The following CHRM3 variants were observed in gnomAD, a reference collection of about 807,000 sequenced individuals.
CHRM3 encodes muscarinic acetylcholine receptor M3.
A neutral mutation model predicts 41.8 loss-of-function variants in CHRM3; 11 were observed. The ratio of observed to expected loss-of-function variants is 0.26; its 90% CI spans 0.17 to 0.44. The LOEUF (loss-of-function observed/expected upper bound fraction) is 0.44. Ranked by LOEUF, CHRM3 falls within the 20% of genes least tolerant of loss-of-function variation. The pLI is 1.00. For missense variants in CHRM3, 571 were observed against 745.4 expected, an observed-to-expected ratio of 0.77 and a Z score of 2.72; for synonymous variants, 297 against 301.4, an observed-to-expected ratio of 0.99 and a Z score of 0.15.
chr1:239,647,649 A>G (rs1671856535), intron 4 of CHRM3, among the ~76,000 whole-genome samples: 1 of 152,062 alleles, frequency 6.6e-6, no homozygotes, highest in Non-Finnish European at 1.5e-5. Context: ...CCACATCTAT[A>G]TCTCCAGCTG....
intron 1 of CHRM3, among the ~76,000 whole-genome samples, chr1:239,478,973 A>G (rs1666641154): frequency 6.6e-6 from 1 of 152,102 alleles, no homozygotes; most frequent in Non-Finnish European, 1.5e-5. Context: ...ACTTGAGCCT[A>G]GGCATTTGAG....
chr1:239,584,229 G>A (rs558182854), intron 3 of CHRM3, among the ~76,000 whole-genome samples: 10 of 149,694 alleles, frequency 6.7e-5, no homozygotes, highest in East Asian at 6.0e-4. Context: ...TCAGCCTCCC[G>A]AGTAGCTGGG....
At chr1:239,574,086 T>G (rs925905997) in intron 3 of CHRM3, among the ~76,000 whole-genome samples, 1 of 152,140 alleles carries the variant, frequency 6.6e-6, no homozygotes, top group Non-Finnish European at 1.5e-5. Context: ...TGAGGGTTAG[T>G]CTTTTCTTTG....
rs573105735 is a variant in CHRM3, at chr1:239,579,464, C to T, written c.-313+33715C>T. Among the ~76,000 whole-genome samples, 11 of 152,190 alleles carry T rather than the reference C, an allele frequency of 7.2e-5. No individual in the cohort carries two copies. In the East Asian group the frequency reaches 1.9e-3, roughly 27 times the overall value. ...ATAGGAACTCTTGTATATTTTATTTCGAAGGTCACCAGCCTTATCTAAGGA... is the reference window on the plus strand; with the variant it reads ...ATAGGAACTCTTGTATATTTTATTTTGAAGGTCACCAGCCTTATCTAAGGA... On this transcript the variant is annotated intron_variant, in intron 3 of 6. Coordinates refer to ENST00000676153, the MANE Select transcript of CHRM3 (RefSeq NM_001375978.1).
intron 2 of CHRM3, among the ~76,000 whole-genome samples, chr1:239,504,745 A>C (rs1344064518): frequency 1.3e-5 from 2 of 152,204 alleles, no homozygotes; most frequent in African/African-American, 2.4e-5. Context: ...AAAAGGAATG[A>C]ATTAATAGCA....
Position 239,386,948 on chromosome 1 carries a change from G to C in CHRM3, c.-800G>C, listed in dbSNP as rs929944014. On this transcript the variant is annotated 5_prime_UTR_variant, in exon 1 of 7. Transcript: ENST00000676153. The stretch of plus-strand genomic sequence containing the variant: ...GTGACGCGCGGCCGCAGCTGCCCGC[G>C]GGCGGAGCGCTCTCAGACCCCGGAG... 2.0e-5 allele frequency: 3 copies of C among 152,092 alleles called. No homozygotes were observed. Among genetic ancestry groups the C allele is most frequent in the South Asian group, 4.1e-4 (2 of 4,832 alleles). The allele number at this position is 152,092 out of a possible 1,614,324, so 9.4% of individuals were successfully genotyped here.
At chr1:239,495,651 C>A (rs529193632) in intron 2 of CHRM3, among the ~76,000 whole-genome samples, 2 of 152,184 alleles carry the variant, frequency 1.3e-5, no homozygotes, top group South Asian at 4.1e-4. Flanking sequence ...GCTGTGAGAT[C>A]TCACCCTAGT....
chr1:239,551,895 C>T (rs1006787555), intron 3 of CHRM3, among the ~76,000 whole-genome samples: 16 of 152,034 alleles, frequency 1.1e-4, no homozygotes, highest in African/African-American at 3.9e-4. Flanking sequence ...ATAGGTTACT[C>T]CAGTTTTCAG....
At chr1:239,675,107 C>T (rs1297468880) in intron 4 of CHRM3, among the ~76,000 whole-genome samples, 1 of 152,146 alleles carries the variant, frequency 6.6e-6, no homozygotes, top group Non-Finnish European at 1.5e-5. Flanking sequence ...CTCTAGAAAC[C>T]TGATCTCTCA....
At chr1:239,398,106 A>T (rs1659652254) in intron 1 of CHRM3, among the ~76,000 whole-genome samples, 1 of 152,194 alleles carries the variant, frequency 6.6e-6, no homozygotes, top group African/African-American at 2.4e-5. Context: ...TGAGGAACCT[A>T]GAGATAGCAG....
At chr1:239,498,754 A>T (rs1429801191) in intron 2 of CHRM3, among the ~76,000 whole-genome samples, 2 of 152,174 alleles carry the variant, frequency 1.3e-5, no homozygotes, top group Non-Finnish European at 2.9e-5. Context: ...TTTGTTTAAA[A>T]TGTATCATTT....
intron 5 of CHRM3, among the ~76,000 whole-genome samples, chr1:239,696,360 C>T (rs577900719): frequency 2.6e-5 from 4 of 152,260 alleles, no homozygotes; most frequent in African/African-American, 4.8e-5. Context: ...TAAAAATTTG[C>T]GCTGTCATCT....
chr1:239,778,694 A>G (rs571072755), intron 5 of CHRM3, among the ~76,000 whole-genome samples: 2 of 152,156 alleles, frequency 1.3e-5, no homozygotes, highest in East Asian at 1.9e-4. Context: ...GTTGGTTCGC[A>G]TAGTGTTTTC....
chr1:239,465,499 A>G (rs985529718), intron 1 of CHRM3, among the ~76,000 whole-genome samples: 18 of 152,294 alleles, frequency 1.2e-4, no homozygotes, highest in African/African-American at 4.3e-4. Context: ...CCACGCAGTC[A>G]GTTTAGAAAG....
At chr1:239,760,000 T>C (rs143764609) in intron 5 of CHRM3, among the ~76,000 whole-genome samples, 80 of 152,162 alleles carry the variant, frequency 5.3e-4, no homozygotes, top group African/African-American at 1.3e-3. Flanking sequence ...CTGCAAGCTC[T>C]GCCTCCCGGG....
intron 5 of CHRM3, among the ~76,000 whole-genome samples, chr1:239,680,581 T>C (rs917760192): frequency 5.3e-5 from 8 of 152,072 alleles, no homozygotes; most frequent in Admixed American, 6.6e-5. Context: ...GACACTACGA[T>C]AAGATTAATT....
At position 239,823,333 on chromosome 1, in the gene CHRM3, G is replaced by A. The variant is rs546817259; in HGVS notation, c.-146-3919G>A. Reference sequence around the variant, plus strand: ...AGAATCATAGAGGAGAGACCTCCAGGTACCATCTAGTGAAGCCTGGTGCCT... The same window carrying A: ...AGAATCATAGAGGAGAGACCTCCAGATACCATCTAGTGAAGCCTGGTGCCT... On this transcript the variant is annotated intron_variant, in intron 5 of 6. Coordinates refer to ENST00000676153, the MANE Select transcript of CHRM3 (RefSeq NM_001375978.1). 2.0e-5 allele frequency among the ~76,000 whole-genome samples: 3 copies of A among 152,158 alleles called. No individual in the cohort carries two copies. The South Asian group carries it at 6.2e-4, about 32-fold the overall frequency.
At chr1:239,900,498 G>A (rs550147334) in intron 6 of CHRM3, among the ~76,000 whole-genome samples, 16 of 151,460 alleles carry the variant, frequency 1.1e-4, no homozygotes, top group African/African-American at 3.2e-4. Flanking sequence ...TAATGAGGCC[G>A]TGGCCCCAAG....
chr1:239,728,612 A>G (rs1663665058), intron 5 of CHRM3, among the ~76,000 whole-genome samples: 1 of 151,990 alleles, frequency 6.6e-6, no homozygotes, highest in African/African-American at 2.4e-5. Context: ...AATCAGCAAA[A>G]ACGTTATGAT....
Sources: gnomAD v4.1 joint callset for allele counts (sites outside exome capture counted in the v4.1 genomes callset) on GRCh38, gnomAD v4.1.1 for gene constraint, MANE v1.5 for transcripts, NCBI Gene and HGNC (gene_info 2026-07-23, HGNC 2026-07-21) for gene names.